The following PTDSS2 variants were observed in gnomAD, a reference collection of about 807,000 sequenced individuals.
PTDSS2 encodes phosphatidylserine synthase 2.
A neutral mutation model predicts 64.7 loss-of-function variants in PTDSS2; 41 were observed. The ratio of observed to expected loss-of-function variants is 0.63; its 90% CI spans 0.49 to 0.82. The LOEUF (loss-of-function observed/expected upper bound fraction) is 0.82, where lower values mean the gene tolerates loss of function less well. Among genes scored for constraint, PTDSS2 ranks in the 40% least tolerant of loss-of-function variants. The pLI is 0.00. For missense variants in PTDSS2, 485 were observed against 650.0 expected (o/e 0.75, Z 2.76); for synonymous variants, 297 against 277.8 (o/e 1.07, Z -0.69).
In PTDSS2 at chr11:475,801, AACTT is replaced by A. The variant is rs550203266; in HGVS notation, c.367+1826_367+1829del. ...TCATTAGAATGTACTACATTTAACT[AACTT>A]ATTTAAGCCATAATATTGTATATTT... On this transcript the variant is annotated intron_variant, in intron 3 of 11. Transcript: ENST00000308020. Among the ~76,000 whole-genome samples, 191 of 152,382 alleles carry A rather than the reference AACTT, an allele frequency of 1.3e-3. 1 individual carries two copies. The highest frequency in any genetic ancestry group is 4.4e-3 in the African/African-American group (185 of 41,590).
intron 4 of PTDSS2, among the ~76,000 whole-genome samples, chr11:481,126 T>C (rs1422887763): frequency 6.6e-6 from 1 of 150,376 alleles, no homozygotes; most frequent in African/African-American, 2.4e-5. Flanking sequence ...CCTCCCAAAG[T>C]GCGGGGATTC....
intron 1 of PTDSS2, among the ~76,000 whole-genome samples, chr11:450,917 C>T (rs966667577): frequency 4.0e-5 from 6 of 151,872 alleles, no homozygotes; most frequent in African/African-American, 1.5e-4. Context: ...GCCCTCCCCA[C>T]CCCTGCCCGC....
rs554388522 is a variant in PTDSS2, at chr11:460,751, G to C, written c.284+463G>C. ...GGTCAGCAGCCAAGCGAGTAAACTC[G>C]TCTTCTCAGGTTTATCTCCACAGGC... On this transcript the variant is annotated intron_variant, in intron 2 of 11. Transcript: ENST00000308020. The surrounding 1 kb of genome is among the most constrained non-coding windows in gnomAD (Gnocchi z 5.8). 1.9e-5 allele frequency: 3 copies of C among 159,396 alleles called. No homozygotes were observed. Among genetic ancestry groups the C allele is most frequent in the Admixed American group, 1.8e-4 (3 of 16,384 alleles). 9.9% of individuals were successfully genotyped at this position (159,396 alleles called of 1,614,324 possible). A position where few individuals can be genotyped will look rare whatever the true frequency, so the allele number is the denominator to read the frequency against.
chr11:478,329 C>T (rs1295020681), intron 3 of PTDSS2, among the ~76,000 whole-genome samples: 4 of 151,472 alleles, frequency 2.6e-5, no homozygotes, highest in Non-Finnish European at 5.9e-5. Context: ...TGTGGTGGCA[C>T]GTACCTGTGG....
At chr11:488,734 C>A in intron 8 of PTDSS2, 87 bp downstream of exon 8, 2 of 933,608 alleles carry the variant, frequency 2.1e-6, no homozygotes, top group Non-Finnish European at 3.5e-6. Context: ...ACCCCGAGCA[C>A]CAGGCCCGTC....
chr11:483,838 T>C lies in PTDSS2; in HGVS notation c.436-3101T>C, dbSNP rs529571168. Among the ~76,000 whole-genome samples the C allele has an allele frequency of 1.6e-3, 244 of 152,332 alleles. 9 individuals are homozygous for C. In the South Asian group the frequency reaches 0.048, roughly 30 times the overall value. On this transcript the variant is annotated intron_variant, in intron 4 of 11. Coordinates refer to ENST00000308020, the MANE Select transcript of PTDSS2 (RefSeq NM_030783.3). ...GGATGTCTGACGTTTTCTCAGTATT[T>C]GTCTGGGGTGAAGGCGCGCACTGGC... is the stretch of plus-strand genomic sequence containing the variant.
chr11:474,042 T>G, intron 3 of PTDSS2, 65 bp downstream of exon 3: 1 of 1,319,936 alleles, frequency 7.6e-7, no homozygotes, highest in Non-Finnish European at 1.1e-6. Context: ...CCACTCTGTG[T>G]CTGTGCTGCT....
rs1379019503 is a variant in PTDSS2 at position 470,064 on chromosome 11, G to A, written c.285-3831G>A. Among the ~76,000 whole-genome samples, 1 of 152,202 alleles carries A rather than the reference G, an allele frequency of 6.6e-6. No homozygotes were observed. Among genetic ancestry groups the A allele is most frequent in the African/African-American group, 2.4e-5 (1 of 41,452 alleles). On this transcript the variant is annotated intron_variant, in intron 2 of 11. Coordinates refer to ENST00000308020, the MANE Select transcript of PTDSS2 (RefSeq NM_030783.3). The surrounding 1 kb of genome is among the most constrained non-coding windows in gnomAD (Gnocchi z 5.3). ...CCTGCAGAAGGTTTTCAGTAAATGAGGTAGATCCCCCCATTCCAGGAGCTG... is the reference window on the plus strand; with the variant it reads ...CCTGCAGAAGGTTTTCAGTAAATGAAGTAGATCCCCCCATTCCAGGAGCTG...
chr11:453,187 C>T (rs1846423032), intron 1 of PTDSS2, among the ~76,000 whole-genome samples: 1 of 152,306 alleles, frequency 6.6e-6, no homozygotes, highest in Admixed American at 6.5e-5. Context: ...GCTGAGCTCT[C>T]CTTCTCTGGA....
rs117266884 is a variant in PTDSS2 at position 490,591 on chromosome 11, G to T, written c.*9G>T. The T allele has an allele frequency of 1.3e-6, 2 of 1,575,118 alleles. No individual in the cohort carries two copies. The highest frequency in any genetic ancestry group is 4.6e-5 in the East Asian group (2 of 43,378). On this transcript the variant is annotated 3_prime_UTR_variant, in exon 12 of 12. Transcript: ENST00000308020. ...CACCAACTCCAAACTGACCTGGGCC[G>T]TGGCTGCCTCGTGAGCCTCCCAGAG...
chr11:489,866 C>T lies in PTDSS2; in HGVS notation c.1116-17C>T, dbSNP rs977989445. On this transcript the variant is annotated splice_polypyrimidine_tract_variant and intron_variant, in intron 10 of 11. Coordinates refer to ENST00000308020, the MANE Select transcript of PTDSS2 (RefSeq NM_030783.3). The stretch of plus-strand genomic sequence containing the variant: ...CCTGCGGGGCCCGGGACGCTGAACC[C>T]CCTGCTGCCCCTGCAGGAAGCCCCA... 6 of 1,567,042 alleles carry T rather than the reference C, an allele frequency of 3.8e-6. No individual in the cohort carries two copies. The Admixed American group carries it at 9.5e-5, about 25-fold the overall frequency.
At chr11:449,132 A>G (rs996471062), upstream of PTDSS2, among the ~76,000 whole-genome samples, 29 of 149,678 alleles carry the variant, frequency 1.9e-4, no homozygotes, top group African/African-American at 6.7e-4. Flanking sequence ...CAGTGGCACA[A>G]TCTCGGCTCA....
rs914717148 is a variant in PTDSS2 at position 476,547 on chromosome 11, G to A, written c.368-2538G>A. On this transcript the variant is annotated intron_variant, in intron 3 of 11. Transcript: ENST00000308020. The surrounding 1 kb of genome is among the most constrained non-coding windows in gnomAD (Gnocchi z 4.9). ...CATCACTGGGGACTGGGACGCAGCC[G>A]TGAGTGGGACAGACTGGTCAGCAGG... Among the ~76,000 whole-genome samples, 4 of 152,168 alleles carry A rather than the reference G, an allele frequency of 2.6e-5. No homozygotes were observed. Among genetic ancestry groups the A allele is most frequent in the Admixed American group, 6.5e-5 (1 of 15,280 alleles).
intron 2 of PTDSS2, among the ~76,000 whole-genome samples, chr11:469,045 GTC>G (rs1303551063): frequency 7.6e-6 from 1 of 131,840 alleles, no homozygotes; most frequent in African/African-American, 2.9e-5. Flanking sequence ...GAGGAGGGCA[GTC>G]TCTGGGTAAT....
At position 450,474 on chromosome 11, in the gene PTDSS2, A is replaced by G; in HGVS notation, c.19A>G (p.Arg7Gly). 1 of 1,232,124 alleles carries G rather than the reference A, an allele frequency of 8.1e-7. No homozygotes were observed. The allele number at this position is 1,232,124 out of a possible 1,614,324, so 76.3% of individuals were successfully genotyped here. MRRGERRDAGGPRPESP... is the reference protein window; with the variant it reads MRRGERGDAGGPRPESP... ...AAACGCCATGCGGAGGGGCGAGCGC[A>G]GGGACGCCGGAGGTCCGCGGCCCGA... Residue 7 changes from arginine to glycine, a missense_variant, in exon 1 of 12, where the codon AGG becomes GGG. Arg to Gly is a moderately radical substitution (Grantham distance 125, BLOSUM62 -2). Transcript: ENST00000308020.
intron 1 of PTDSS2, among the ~76,000 whole-genome samples, chr11:455,787 C>G (rs1033055150): frequency 2.6e-5 from 4 of 152,248 alleles, no homozygotes; most frequent in African/African-American, 9.6e-5. Context: ...CTAACCACTC[C>G]CATCCCTCTT....
chr11:456,872 T>C, intron 1 of PTDSS2, among the ~76,000 whole-genome samples: 1 of 152,122 alleles, frequency 6.6e-6, no homozygotes, highest in East Asian at 1.9e-4. Flanking sequence ...CAAATGCAAA[T>C]GTATCTAAAG....
intron 3 of PTDSS2, among the ~76,000 whole-genome samples, chr11:475,480 A>ATATTCACACGTTTGTGATACG (rs1564980431): frequency 3.5e-4 from 25 of 70,800 alleles, no homozygotes; most frequent in African/African-American, 5.9e-4. Flanking sequence ...TTTGTGATAC[A>ATATTCACACGTTTGTGATACG]GACATATTCA....
At chr11:467,894 T>G (rs1847212768) in intron 2 of PTDSS2, among the ~76,000 whole-genome samples, 1 of 152,128 alleles carries the variant, frequency 6.6e-6, no homozygotes, top group African/African-American at 2.4e-5. Flanking sequence ...CCCAGCAGTT[T>G]GGGAGGCTGA....
Sources: gnomAD v4.1 joint callset for allele counts (sites outside exome capture counted in the v4.1 genomes callset) on GRCh38, gnomAD v4.1.1 for gene constraint, Gnocchi (gnomAD v3.1) non-coding constraint, MANE v1.5 for transcripts, NCBI Gene and HGNC (gene_info 2026-07-23, HGNC 2026-07-21) for gene names.